FBXL18: variants seen among roughly 807,000 people sequenced by gnomAD.
The protein encoded by FBXL18 is F-box/LRR-repeat protein 18.
FBXL18 carries 36 observed loss-of-function variants against 46.0 expected under a neutral mutation model. The ratio of observed to expected loss-of-function variants is 0.78; its 90% CI spans 0.60 to 1.03. The LOEUF is 1.03. FBXL18 is among the 50% of genes least tolerant of loss of function. The pLI, the probability that FBXL18 is intolerant of heterozygous loss-of-function variation, is 0.00. For missense variants in FBXL18, 977 were observed against 1,004.1 expected, an observed-to-expected ratio of 0.97 and a Z score of 0.36; for synonymous variants, 557 against 465.3, an observed-to-expected ratio of 1.20 and a Z score of -2.54.
Position 5,484,469 on chromosome 7 carries a change from C to CAAA in FBXL18, c.2001-2541_2001-2539dup, listed in dbSNP as rs35237238. ...TGGGCGACAGAGGGAGACTCTGTCT[C>CAAA]AAAAAAAAAAAAAAAAAAGAGCTGC... On this transcript the variant is annotated intron_variant, in intron 4 of 4. Coordinates refer to ENST00000382368, the MANE Select transcript of FBXL18 (RefSeq NM_024963.6). Among the ~76,000 whole-genome samples, 32 of 68,274 alleles carry CAAA rather than the reference C, an allele frequency of 4.7e-4. No individual in the cohort carries two copies. The South Asian group carries it at 6.4e-3, about 14-fold the overall frequency. 44.8% of individuals were successfully genotyped at this position (68,274 alleles called of 152,430 possible). A position where few individuals can be genotyped will look rare whatever the true frequency, so the allele number is the denominator to read the frequency against.
chr7:5,511,876 T>C (rs1378982081), intron 1 of FBXL18, among the ~76,000 whole-genome samples: 1 of 151,732 alleles, frequency 6.6e-6, no homozygotes, highest in Non-Finnish European at 1.5e-5. Flanking sequence ...TCCCAGCAAT[T>C]TGGGAGGCCA....
At chr7:5,503,074 G>A (rs1300228212) in intron 2 of FBXL18, among the ~76,000 whole-genome samples, 1 of 152,258 alleles carries the variant, frequency 6.6e-6, no homozygotes, top group African/African-American at 2.4e-5. Flanking sequence ...ACGGGGAAAT[G>A]TGATCCAGCC....
At chr7:5,513,594 A>T in intron 1 of FBXL18, 63 bp downstream of exon 1, 1 of 1,588,038 alleles carries the variant, frequency 6.3e-7, no homozygotes, top group Non-Finnish European at 8.6e-7. Context: ...GTCGGGATGG[A>T]AGAACCCAGG....
At position 5,484,215 on chromosome 7, in the gene FBXL18, C is replaced by T. The variant is rs1489508978; in HGVS notation, c.2001-2284G>A. ...GGCCGTGGTGGCTCACGCCTGTAATCCCAGCACTTTGGGAGGCCAAGGCGG... is the reference window on the plus strand; with the variant it reads ...GGCCGTGGTGGCTCACGCCTGTAATTCCAGCACTTTGGGAGGCCAAGGCGG... On this transcript the variant is annotated intron_variant, in intron 4 of 4. Coordinates refer to ENST00000382368, the MANE Select transcript of FBXL18 (RefSeq NM_024963.6). Among the ~76,000 whole-genome samples, 7 of 152,118 alleles carry T rather than the reference C, an allele frequency of 4.6e-5. No homozygotes were observed. The South Asian group carries it at 1.2e-3, about 27-fold the overall frequency.
At chr7:5,508,152 G>A (rs1455146623) in intron 1 of FBXL18, among the ~76,000 whole-genome samples, 1 of 151,946 alleles carries the variant, frequency 6.6e-6, no homozygotes, top group African/African-American at 2.4e-5. Flanking sequence ...TATAGTCCCA[G>A]CTACTCGGGA....
rs1036691618 is a variant in FBXL18 at position 5,497,190 on chromosome 7, A to G, written c.1781+3298T>C. 2.0e-5 allele frequency among the ~76,000 whole-genome samples: 3 copies of G among 152,026 alleles called. No homozygotes were observed. The East Asian group carries it at 5.8e-4, about 29-fold the overall frequency. On this transcript the variant is annotated intron_variant, in intron 3 of 4. Coordinates refer to ENST00000382368, the MANE Select transcript of FBXL18 (RefSeq NM_024963.6). ...GCACTCCGGTCTGGGAGACAGAATG[A>G]GACCATTTTTAAAAAAAAAAAGTGG...
intron 3 of FBXL18, among the ~76,000 whole-genome samples, chr7:5,492,442 C>G (rs1041598520): frequency 6.6e-6 from 1 of 151,416 alleles, no homozygotes; most frequent in African/African-American, 2.4e-5. Context: ...ACTCACGTGA[C>G]TTCAGGGGCT....
At chr7:5,465,688 G>A (rs987714259) in intron 4 of FBXL18, among the ~76,000 whole-genome samples, 11 of 152,110 alleles carry the variant, frequency 7.2e-5, no homozygotes, top group Non-Finnish European at 1.0e-4. Context: ...AGAGAGGGAG[G>A]GAGGGGAGAA....
chr7:5,460,785 G>A (rs1179161072), intron 4 of FBXL18, among the ~76,000 whole-genome samples: 1 of 152,152 alleles, frequency 6.6e-6, no homozygotes, highest in Non-Finnish European at 1.5e-5. Context: ...GGCTTGGGAC[G>A]TGCACCCGGG....
chr7:5,503,672 T>TA (rs1584239311), intron 2 of FBXL18, among the ~76,000 whole-genome samples: 1 of 151,712 alleles, frequency 6.6e-6, no homozygotes, highest in South Asian at 2.1e-4. Context: ...AAAATTAAAT[T>TA]AAAAAAATGC....
At chr7:5,499,782 G>C (rs1051716524) in intron 3 of FBXL18, among the ~76,000 whole-genome samples, 1 of 151,284 alleles carries the variant, frequency 6.6e-6, no homozygotes, top group Admixed American at 6.6e-5. Context: ...GGCCAAGGGT[G>C]GTGGCTCACA....
At chr7:5,461,150 G>A (rs890244811) in intron 4 of FBXL18, among the ~76,000 whole-genome samples, 24 of 152,220 alleles carry the variant, frequency 1.6e-4, no homozygotes, top group African/African-American at 5.1e-4. Context: ...AAACACAGCC[G>A]GACCTGAGCC....
intron 4 of FBXL18, among the ~76,000 whole-genome samples, chr7:5,470,695 TTCCCGGGGGGGAGATGTC>T (rs1363315856): frequency 0.014 from 227 of 15,748 alleles, 2 homozygotes; most frequent in African/African-American, 0.1. Flanking sequence ...CCCCCTCCCC[TTCCCGGGGGGGAGATGTC>T]CCCTTCCCGG....
Position 5,505,598 on chromosome 7 carries a change from A to G in FBXL18, c.51T>C (p.Pro17=), listed in dbSNP as rs188825247. Residue 17 remains proline, a synonymous_variant, in exon 2 of 5, where the codon CCT becomes CCC. Coordinates refer to ENST00000382368, the MANE Select transcript of FBXL18 (RefSeq NM_024963.6). ...CCCCGTCTGCCATCCCGGCTGCTGC[A>G]GGGTGCATGTCATCATCATCATTGG... ...DISNDDDDMH[P]AAAGMADGVH... 6,179 of 1,614,006 alleles carry G rather than the reference A, an allele frequency of 3.8e-3. 23 individuals carry two copies. Among genetic ancestry groups the G allele is most frequent in the Non-Finnish European group, 4.4e-3 (5,241 of 1,179,942 alleles).
intron 4 of FBXL18, among the ~76,000 whole-genome samples, chr7:5,462,414 G>A (rs1393381348): frequency 2.0e-5 from 3 of 152,190 alleles, no homozygotes; most frequent in Non-Finnish European, 4.4e-5. Flanking sequence ...TTCATCTCCT[G>A]TTGGCACGCA....
In FBXL18 at chr7:5,500,794, C is replaced by A. The variant is rs903185095; in HGVS notation, c.1475G>T (p.Gly492Val). ...LPFLEHLELI[G>V]SNFSSAMPRN... Reference sequence around the variant, plus strand: ...GGGCATGGCGGAGGAGAAGTTGGACCCAATCAGCTCGAGGTGTTCCAGGAA... The same window carrying A: ...GGGCATGGCGGAGGAGAAGTTGGACACAATCAGCTCGAGGTGTTCCAGGAA... The change falls in exon 3 of 5, where the codon GGG (glycine) becomes GTG (valine). Residue 492 changes from glycine to valine, a missense_variant. Gly to Val is a moderately radical substitution (Grantham distance 109, BLOSUM62 -3). Transcript: ENST00000382368. 1.2e-6 allele frequency: 2 copies of A among 1,612,650 alleles called. No homozygotes were observed. The highest frequency in any genetic ancestry group is 1.3e-5 in the African/African-American group (1 of 75,028).
At chr7:5,492,878 C>T (rs1028018759) in intron 3 of FBXL18, among the ~76,000 whole-genome samples, 3 of 152,124 alleles carry the variant, frequency 2.0e-5, no homozygotes, top group South Asian at 2.1e-4. Context: ...GATTTGGGGC[C>T]TCTGGGCTCC....
At chr7:5,512,187 A>G (rs1584251037) in intron 1 of FBXL18, among the ~76,000 whole-genome samples, 6 of 148,396 alleles carry the variant, frequency 4.0e-5, no homozygotes, top group East Asian at 4.1e-4. Flanking sequence ...GGAGCTTGCA[A>G]TGAGCCGAGA....
intron 1 of FBXL18, among the ~76,000 whole-genome samples, chr7:5,511,301 G>A (rs755811990): frequency 5.9e-5 from 9 of 152,054 alleles, no homozygotes; most frequent in Admixed American, 2.6e-4. Flanking sequence ...GCCAGGGGCC[G>A]GGCGCAGTGG....
Sources: gnomAD v4.1 joint callset for allele counts (sites outside exome capture counted in the v4.1 genomes callset) on GRCh38, gnomAD v4.1.1 for gene constraint, MANE v1.5 for transcripts, NCBI Gene and HGNC (gene_info 2026-07-23, HGNC 2026-07-21) for gene names.